SLC1A2: variants seen among roughly 807,000 people sequenced by gnomAD.
SLC1A2 encodes the protein excitatory amino acid transporter 2.
SLC1A2 carries 15 observed loss-of-function variants against 48.8 expected under a neutral mutation model. That is an observed-to-expected ratio of 0.31 (90% CI 0.21 to 0.47). The LOEUF is 0.47. SLC1A2 is among the 20% of genes least tolerant of loss of function. The pLI is 0.99. For missense variants in SLC1A2, 502 were observed against 730.5 expected, an observed-to-expected ratio of 0.69 and a Z score of 3.61; for synonymous variants, 279 against 272.6, an observed-to-expected ratio of 1.02 and a Z score of -0.23.
chr11:35,270,771 A>G (rs1207631306), intron 9 of SLC1A2, among the ~76,000 whole-genome samples: 1 of 152,236 alleles, frequency 6.6e-6, no homozygotes, highest in African/African-American at 2.4e-5. Flanking sequence ...GAGAGAGGAA[A>G]GAAATAATAT....
In SLC1A2 at chr11:35,326,152, A is replaced by G. The variant is rs561510633; in HGVS notation, c.18-8636T>C. Among the ~76,000 whole-genome samples, 58 of 152,256 alleles carry G rather than the reference A, an allele frequency of 3.8e-4. 1 individual carries two copies. In the South Asian group the frequency reaches 0.011, roughly 30 times the overall value. ...GGAAGATGGAACGAGGAACCACTCT[A>G]GGTTCACCCAACAAGGCCTTTGGGG... On this transcript the variant is annotated intron_variant, in intron 1 of 10. Transcript: ENST00000278379.
chr11:35,251,959 A>T lies in SLC1A2; in HGVS notation c.*8935T>A, dbSNP rs1426544578. ...TAGGAGGCAACTGTAAACTTGCATTAGTTAATCCCATCTTCAATCATTCAA... is the reference window on the plus strand; with the variant it reads ...TAGGAGGCAACTGTAAACTTGCATTTGTTAATCCCATCTTCAATCATTCAA... On this transcript the variant is annotated 3_prime_UTR_variant, in exon 11 of 11. Transcript: ENST00000278379. 6.6e-6 allele frequency: 1 copy of T among 152,632 alleles called. No individual in the cohort carries two copies. The highest frequency in any genetic ancestry group is 1.5e-5 in the Non-Finnish European group (1 of 68,046). The allele number at this position is 152,632 out of a possible 1,614,324, so 9.5% of individuals were successfully genotyped here.
intron 1 of SLC1A2, among the ~76,000 whole-genome samples, chr11:35,370,489 C>T (rs1854019928): frequency 6.6e-6 from 1 of 152,186 alleles, no homozygotes. Context: ...ACAGTGGTGA[C>T]TTTGGGCAAC....
intron 1 of SLC1A2, among the ~76,000 whole-genome samples, chr11:35,323,701 C>A (rs778372003): frequency 2.3e-4 from 35 of 152,162 alleles, no homozygotes; most frequent in Non-Finnish European, 4.6e-4. Flanking sequence ...TATACCACAA[C>A]CCTCACAGGG....
chr11:35,395,009 G>A (rs879279412), intron 1 of SLC1A2, among the ~76,000 whole-genome samples: 12 of 152,174 alleles, frequency 7.9e-5, no homozygotes, highest in Non-Finnish European at 1.6e-4. Context: ...CCCCCGAGGA[G>A]AGCGTCTTCC....
intron 4 of SLC1A2, among the ~76,000 whole-genome samples, chr11:35,309,485 T>C (rs191284585): frequency 4.6e-5 from 7 of 152,326 alleles, no homozygotes; most frequent in African/African-American, 1.2e-4. Context: ...AATCTCACTT[T>C]GGTTCAAAGT....
chr11:35,330,361 G>A (rs777625077), intron 1 of SLC1A2, among the ~76,000 whole-genome samples: 1 of 152,186 alleles, frequency 6.6e-6, no homozygotes, highest in Non-Finnish European at 1.5e-5. Context: ...TGAGGCTTCT[G>A]CCCTGCCTTT....
intron 9 of SLC1A2, among the ~76,000 whole-genome samples, chr11:35,271,304 C>T (rs1850273125): frequency 6.6e-6 from 1 of 152,146 alleles, no homozygotes; most frequent in South Asian, 2.1e-4. Flanking sequence ...TCAGGAGACA[C>T]ATCTGTGATG....
At chr11:35,414,795 G>A (rs1190091142) in intron 1 of SLC1A2, among the ~76,000 whole-genome samples, 1 of 152,216 alleles carries the variant, frequency 6.6e-6, no homozygotes, top group Non-Finnish European at 1.5e-5. Flanking sequence ...ATTCCTAGAA[G>A]ATTTAATACT....
chr11:35,261,836 G>A (rs1950399078), intron 10 of SLC1A2: 5 of 397,654 alleles, frequency 1.3e-5, no homozygotes, highest in Non-Finnish European at 2.2e-5. Flanking sequence ...GAAGTGAAAT[G>A]CATGCATCAT....
At chr11:35,283,651 C>T (rs543665519) in intron 8 of SLC1A2, among the ~76,000 whole-genome samples, 65 of 152,246 alleles carry the variant, frequency 4.3e-4, no homozygotes, top group Admixed American at 1.4e-3. Context: ...AATATGGTTA[C>T]CATCAAGACC....
At chr11:35,318,954 C>T (rs944762904) in intron 1 of SLC1A2, among the ~76,000 whole-genome samples, 2 of 152,172 alleles carry the variant, frequency 1.3e-5, no homozygotes, top group Non-Finnish European at 2.9e-5. Flanking sequence ...AATATACTTG[C>T]TACCCAAATG....
At chr11:35,287,529 A>G (rs1363835452) in intron 7 of SLC1A2, among the ~76,000 whole-genome samples, 2 of 152,212 alleles carry the variant, frequency 1.3e-5, no homozygotes, top group Non-Finnish European at 2.9e-5. Flanking sequence ...TCACTGGGGA[A>G]CCTCACAGAT....
intron 1 of SLC1A2, among the ~76,000 whole-genome samples, chr11:35,320,243 A>G (rs1262961163): frequency 1.3e-5 from 2 of 152,242 alleles, no homozygotes; most frequent in Admixed American, 6.5e-5. Context: ...AACAGTGACA[A>G]TAACAGGCAT....
intron 4 of SLC1A2, among the ~76,000 whole-genome samples, chr11:35,311,896 G>GA (rs1491521068): frequency 0.011 from 671 of 59,876 alleles, 33 homozygotes; most frequent in Non-Finnish European, 0.015. Flanking sequence ...GAGAGAGGGA[G>GA]GGAGAGAGAG....
At chr11:35,339,852 G>C (rs1281635052) in intron 1 of SLC1A2, among the ~76,000 whole-genome samples, 1 of 152,022 alleles carries the variant, frequency 6.6e-6, no homozygotes, top group Non-Finnish European at 1.5e-5. Context: ...TCAAATGAGA[G>C]GGTGACTCAC....
At chr11:35,338,325 C>T (rs1260651057) in intron 1 of SLC1A2, among the ~76,000 whole-genome samples, 1 of 152,044 alleles carries the variant, frequency 6.6e-6, no homozygotes, top group African/African-American at 2.4e-5. Context: ...TTTTTGCCTC[C>T]CTAGTGTCTG....
chr11:35,326,119 C>T (rs1046918579), intron 1 of SLC1A2, among the ~76,000 whole-genome samples: 1 of 152,140 alleles, frequency 6.6e-6, no homozygotes, highest in South Asian at 2.1e-4. Context: ...GCTCCCAGCA[C>T]TCTTGAGGGA....
chr11:35,309,097 C>T (rs1288435390), intron 4 of SLC1A2, among the ~76,000 whole-genome samples: 1 of 152,216 alleles, frequency 6.6e-6, no homozygotes, highest in Admixed American at 6.5e-5. Flanking sequence ...GTAGGCCTAA[C>T]TCATTCTGAT....
Sources: gnomAD v4.1 joint callset for allele counts (sites outside exome capture counted in the v4.1 genomes callset) on GRCh38, gnomAD v4.1.1 for gene constraint, MANE v1.5 for transcripts, NCBI Gene and HGNC (gene_info 2026-07-23, HGNC 2026-07-21) for gene names.